The following SDK2 variants were observed in gnomAD, a reference collection of about 807,000 sequenced individuals.
SDK2 encodes the protein protein sidekick-2.
SDK2 carries 105 observed loss-of-function variants against 253.9 expected under a neutral mutation model. The ratio of observed to expected loss-of-function variants is 0.41; its 90% CI spans 0.35 to 0.49. SDK2 has a LOEUF of 0.49. Among genes scored for constraint, SDK2 ranks in the 20% least tolerant of loss-of-function variants. SDK2 has a pLI of 0.06. For synonymous variants in SDK2, 1,249 were observed against 1,234.9 expected, an observed-to-expected ratio of 1.01 and a Z score of -0.24; for missense variants, 2,608 against 3,003.0, an observed-to-expected ratio of 0.87 and a Z score of 3.07.
intron 24 of SDK2, 101 bp downstream of exon 24, chr17:73,397,934 A>G: frequency 3.1e-6 from 4 of 1,296,280 alleles, no homozygotes; most frequent in Non-Finnish European, 4.2e-6. Flanking sequence ...AAACAGAAAG[A>G]GAGGAGAAAG....
chr17:73,379,357 G>T lies in SDK2; in HGVS notation c.4865-65C>A. ...ACCTGGGAGGGGAGGTGGGCTGGGC[G>T]GGATGGGGAGCCCAGATCCCGTTTC... is the stretch of plus-strand genomic sequence containing the variant. On this transcript the variant is annotated intron_variant, in intron 35 of 44. Coordinates refer to ENST00000392650, the MANE Select transcript of SDK2 (RefSeq NM_001144952.2). This position sits in a 1 kb window ranked among gnomAD's most constrained non-coding sequence, Gnocchi z 4.5. 1.4e-6 allele frequency: 2 copies of T among 1,456,652 alleles called. No homozygotes were observed. Among genetic ancestry groups the T allele is most frequent in the Non-Finnish European group, 9.4e-7 (1 of 1,058,670 alleles). 90.2% of individuals were successfully genotyped at this position (1,456,652 alleles called of 1,614,324 possible).
intron 1 of SDK2, among the ~76,000 whole-genome samples, chr17:73,611,885 G>A (rs1189738563): frequency 2.6e-5 from 4 of 152,236 alleles, no homozygotes; most frequent in East Asian, 1.9e-4. Flanking sequence ...AGTATCTCCC[G>A]GCTCTGGGCT....
In SDK2 at chr17:73,503,717, C is replaced by T. The variant is rs571593221; in HGVS notation, c.224+3721G>A. ...CCACGTGGCTGTAGTGTGAGGGCTGCCAATCCTGATGTCTCAAGCCCTGGA... is the reference window on the plus strand; with the variant it reads ...CCACGTGGCTGTAGTGTGAGGGCTGTCAATCCTGATGTCTCAAGCCCTGGA... On this transcript the variant is annotated intron_variant, in intron 2 of 44. Coordinates refer to ENST00000392650, the MANE Select transcript of SDK2 (RefSeq NM_001144952.2). Among the ~76,000 whole-genome samples the T allele has an allele frequency of 3.3e-5, 5 of 152,312 alleles. No individual in the cohort carries two copies. The East Asian group carries it at 9.6e-4, about 29-fold the overall frequency.
rs2046423460 is a variant in SDK2, at chr17:73,643,449, A to T, written c.64+576T>A. ...ACCTTGGCTCCAGGCCCGCGCAGCG[A>T]AGCACCCCCAGCCCCAGCGGCTGGC... On this transcript the variant is annotated intron_variant, in intron 1 of 44. Coordinates refer to ENST00000392650, the MANE Select transcript of SDK2 (RefSeq NM_001144952.2). This position sits in a 1 kb window ranked among gnomAD's most constrained non-coding sequence, Gnocchi z 6.9. 1.3e-5 allele frequency among the ~76,000 whole-genome samples: 2 copies of T among 152,078 alleles called. No homozygotes were observed. The highest frequency in any genetic ancestry group is 4.1e-4 in the South Asian group (2 of 4,832).
intron 1 of SDK2, among the ~76,000 whole-genome samples, chr17:73,613,462 C>T (rs1177366156): frequency 6.6e-6 from 1 of 151,850 alleles, no homozygotes; most frequent in African/African-American, 2.4e-5. Context: ...CGTATTGTCA[C>T]GCTCTGCCAT....
intron 18 of SDK2, among the ~76,000 whole-genome samples, chr17:73,411,124 T>G (rs566361275): frequency 6.8e-4 from 104 of 152,052 alleles, no homozygotes; most frequent in African/African-American, 2.4e-3. Flanking sequence ...CTCCAAGAAT[T>G]CAGCTGCTGC....
intron 8 of SDK2, among the ~76,000 whole-genome samples, chr17:73,437,111 C>T (rs923967312): frequency 1.3e-5 from 2 of 152,200 alleles, no homozygotes; most frequent in African/African-American, 4.8e-5. Flanking sequence ...TTACTCATCC[C>T]CTCCAGCACA....
At chr17:73,569,369 TGTATTTTTAGTAGAGACGGG>T (rs1599686996) in intron 1 of SDK2, among the ~76,000 whole-genome samples, 1 of 152,088 alleles carries the variant, frequency 6.6e-6, no homozygotes, top group East Asian at 1.9e-4. Context: ...AGCTAATTTT[TGTATTTTTAGTAGAGACGGG>T]GTTTCACCTT....
In SDK2 at chr17:73,437,841, G is replaced by T; in HGVS notation, c.917-19C>A. 3.7e-6 allele frequency: 6 copies of T among 1,613,132 alleles called. No individual in the cohort carries two copies. The highest frequency in any genetic ancestry group is 5.1e-6 in the Non-Finnish European group (6 of 1,179,114). On this transcript the variant is annotated intron_variant, in intron 7 of 44. Coordinates refer to ENST00000392650, the MANE Select transcript of SDK2 (RefSeq NM_001144952.2). ...GGCGGTTCTGCAGGAGGAAGGACCAGGGGAGGGGGTCAGAGCCATGCTCGC... is the reference window on the plus strand; with the variant it reads ...GGCGGTTCTGCAGGAGGAAGGACCATGGGAGGGGGTCAGAGCCATGCTCGC...
intron 1 of SDK2, among the ~76,000 whole-genome samples, chr17:73,599,303 G>T (rs2045805136): frequency 6.6e-6 from 1 of 152,148 alleles, no homozygotes; most frequent in African/African-American, 2.4e-5. Context: ...AGGCCGAAGG[G>T]GGTGGATCAC....
rs533309726 is a variant in SDK2, at chr17:73,455,913, T to G, written c.472A>C (p.Ser158Arg). 1.2e-5 allele frequency: 18 copies of G among 1,543,040 alleles called. No homozygotes were observed. In the South Asian group the frequency reaches 2.0e-4, roughly 17 times the overall value. Residue 158 changes from serine (S) to arginine (R), a missense_variant, in exon 4 of 45, where the codon AGC (serine) becomes CGC (arginine). Coordinates refer to ENST00000392650, the MANE Select transcript of SDK2 (RefSeq NM_001144952.2). This position sits in a 1 kb window ranked among gnomAD's most constrained non-coding sequence, Gnocchi z 5.0. ...FRDGRKIPPS[S>R]RIAITLENTL... ...TCAGAGCGATGCACTCACATGCGGC[T>G]GCTGGGCGGGATCTTGCGGCCGTCC...
chr17:73,485,323 C>A (rs947605099), intron 2 of SDK2, among the ~76,000 whole-genome samples: 5 of 152,074 alleles, frequency 3.3e-5, no homozygotes, highest in African/African-American at 1.2e-4. Context: ...CAGTGCTGAT[C>A]CTGAGGGGAA....
At chr17:73,614,103 G>A (rs554540168) in intron 1 of SDK2, among the ~76,000 whole-genome samples, 21 of 134,598 alleles carry the variant, frequency 1.6e-4, no homozygotes, top group Non-Finnish European at 2.0e-4. Context: ...CCCAGCCCTC[G>A]CTCCCTCCCC....
chr17:73,495,338 A>C (rs1185055900), intron 2 of SDK2, among the ~76,000 whole-genome samples: 2 of 152,210 alleles, frequency 1.3e-5, no homozygotes, highest in Admixed American at 6.5e-5. Flanking sequence ...ATCTGGAGAC[A>C]TTTTTGGTTG....
intron 2 of SDK2, among the ~76,000 whole-genome samples, chr17:73,480,186 C>T (rs1325627660): frequency 6.6e-6 from 1 of 152,182 alleles, no homozygotes; most frequent in African/African-American, 2.4e-5. Context: ...TAACTTACCC[C>T]AGGTCACACA....
rs2044875270 is a variant in SDK2 at position 73,541,927 on chromosome 17, A to T, written c.65-34330T>A. ...GTTCTTGCCTGTGTGCCCTGAGGAGAGCCCCAAACCTCTCTGAGCCTGCCT... is the reference window on the plus strand; with the variant it reads ...GTTCTTGCCTGTGTGCCCTGAGGAGTGCCCCAAACCTCTCTGAGCCTGCCT... On this transcript the variant is annotated intron_variant, in intron 1 of 44. Transcript: ENST00000392650. The surrounding 1 kb of genome is among the most constrained non-coding windows in gnomAD (Gnocchi z 4.3). Among the ~76,000 whole-genome samples the T allele has an allele frequency of 6.6e-6, 1 of 152,106 alleles. No homozygotes were observed. Among genetic ancestry groups the T allele is most frequent in the African/African-American group, 2.4e-5 (1 of 41,420 alleles).
chr17:73,392,980 C>T (rs754851492), intron 27 of SDK2, among the ~76,000 whole-genome samples: 3 of 152,070 alleles, frequency 2.0e-5, no homozygotes, highest in Non-Finnish European at 4.4e-5. Flanking sequence ...TGCAGTGGCT[C>T]ACATCTGTAA....
rs191536535 is a variant in SDK2 at position 73,540,171 on chromosome 17, C to T, written c.65-32574G>A. ...CACGGTACCCAGGATGGGCTGTCCC[C>T]ACTGGAAGCTGGAAGAGGTGGGGAA... is the stretch of plus-strand genomic sequence containing the variant. On this transcript the variant is annotated intron_variant, in intron 1 of 44. Transcript: ENST00000392650. Among the ~76,000 whole-genome samples the T allele has an allele frequency of 3.0e-4, 46 of 152,300 alleles. No homozygotes were observed. In the East Asian group the frequency reaches 3.9e-3, roughly 13 times the overall value.
intron 2 of SDK2, among the ~76,000 whole-genome samples, chr17:73,501,929 A>G (rs536131943): frequency 6.6e-6 from 1 of 152,238 alleles, no homozygotes; most frequent in Non-Finnish European, 1.5e-5. Context: ...CTAAGGTGAC[A>G]GAGCTAGCAG....
Sources: gnomAD v4.1 joint callset for allele counts (sites outside exome capture counted in the v4.1 genomes callset) on GRCh38, gnomAD v4.1.1 for gene constraint, Gnocchi (gnomAD v3.1) non-coding constraint, MANE v1.5 for transcripts, NCBI Gene and HGNC (gene_info 2026-07-23, HGNC 2026-07-21) for gene names.